Variants in PCBP3 observed in about 807,000 individuals in gnomAD.
PCBP3 encodes poly(rC)-binding protein 3.
PCBP3 carries 25 observed loss-of-function variants against 52.7 expected under a neutral mutation model. The ratio of observed to expected loss-of-function variants is 0.47; its 90% CI spans 0.35 to 0.66. The LOEUF is 0.66. PCBP3 is among the 30% of genes least tolerant of loss of function. The pLI, the probability that PCBP3 is intolerant of heterozygous loss-of-function variation, is 0.01. For missense variants in PCBP3, 391 were observed against 490.3 expected (o/e 0.80, Z 1.91); for synonymous variants, 162 against 183.0 (o/e 0.89, Z 0.93).
chr21:45,894,091 G>A (rs2095757324), intron 5 of PCBP3: 2 of 933,748 alleles, frequency 2.1e-6, no homozygotes, highest in Non-Finnish European at 2.6e-6. Flanking sequence ...CTGCAGCTCT[G>A]GGAGCTGCTG....
At chr21:45,680,990 A>G (rs577199015) in intron 2 of PCBP3, among the ~76,000 whole-genome samples, 2 of 152,292 alleles carry the variant, frequency 1.3e-5, no homozygotes, top group South Asian at 4.1e-4. Context: ...ATTTGGTGAG[A>G]GCCTTCTTGC....
At position 45,820,807 on chromosome 21, in the gene PCBP3, G is replaced by C. The variant is rs539327908; in HGVS notation, c.-125-29154G>C. 3.3e-5 allele frequency among the ~76,000 whole-genome samples: 5 copies of C among 152,266 alleles called. No individual in the cohort carries two copies. In the South Asian group the frequency reaches 1.0e-3, roughly 32 times the overall value. On this transcript the variant is annotated intron_variant, in intron 4 of 17. Transcript: ENST00000681687. ...TTTTCTCCCGGTTTAGAAATATCCT[G>C]GTGGGAGGCGCTTTTTCATCCTTGC... is the stretch of plus-strand genomic sequence containing the variant.
chr21:45,862,674 G>C (rs1157031963), intron 5 of PCBP3, among the ~76,000 whole-genome samples: 2 of 152,202 alleles, frequency 1.3e-5, no homozygotes, highest in African/African-American at 2.4e-5. Context: ...ACCACACACT[G>C]TCTCTGTGCC....
At position 45,918,216 on chromosome 21, in the gene PCBP3, C is replaced by T. The variant is rs139668461; in HGVS notation, c.717+587C>T. ...CGTCCTTGGCTCCGCCCGGGCCATG[C>T]GGAGCTGGGTCCCATGCAGCTCCAT... On this transcript the variant is annotated intron_variant, in intron 13 of 17. Transcript: ENST00000681687. 850 of 163,054 alleles carry T rather than the reference C, an allele frequency of 5.2e-3. 8 individuals are homozygous for T. Among genetic ancestry groups the T allele is most frequent in the Admixed American group, 7.9e-3 (130 of 16,558 alleles). 10.1% of individuals were successfully genotyped at this position (163,054 alleles called of 1,614,324 possible).
At chr21:45,847,776 T>A (rs1472539420) in intron 4 of PCBP3, among the ~76,000 whole-genome samples, 1 of 152,218 alleles carries the variant, frequency 6.6e-6, no homozygotes, top group Non-Finnish European at 1.5e-5. Context: ...TAATCATTAC[T>A]GGGGAGTGCC....
At chr21:45,825,156 G>T (rs564736497) in intron 4 of PCBP3, among the ~76,000 whole-genome samples, 1 of 152,294 alleles carries the variant, frequency 6.6e-6, no homozygotes, top group East Asian at 1.9e-4. Flanking sequence ...CCAAGCCCTT[G>T]CTCTGAGGTT....
chr21:45,781,337 C>T (rs2090623039), intron 4 of PCBP3, among the ~76,000 whole-genome samples: 1 of 152,102 alleles, frequency 6.6e-6, no homozygotes, highest in African/African-American at 2.4e-5. Flanking sequence ...AAATAAAGAA[C>T]AAACAAAAAT....
At chr21:45,828,951 G>T (rs938920536) in intron 4 of PCBP3, 1 of 152,424 alleles carries the variant, frequency 6.6e-6, no homozygotes. Flanking sequence ...TGGAAGCCTT[G>T]TGCCAGCGGT....
chr21:45,809,937 A>G (rs2092632350), intron 4 of PCBP3, among the ~76,000 whole-genome samples: 1 of 152,226 alleles, frequency 6.6e-6, no homozygotes, highest in Non-Finnish European at 1.5e-5. Context: ...GGGGTTTTGC[A>G]GATGGTATCA....
chr21:45,753,421 T>C (rs2087732851), intron 3 of PCBP3, among the ~76,000 whole-genome samples: 2 of 152,060 alleles, frequency 1.3e-5, no homozygotes, highest in South Asian at 4.1e-4. Context: ...CTTTCCCCTT[T>C]TTCAGTATCT....
chr21:45,891,342 A>G (rs891758164), intron 5 of PCBP3, among the ~76,000 whole-genome samples: 1 of 152,234 alleles, frequency 6.6e-6, no homozygotes, highest in Non-Finnish European at 1.5e-5. Context: ...CCTTGCATAC[A>G]GCTCGAATGT....
Position 45,724,709 on chromosome 21 carries a change from C to T in PCBP3, c.-199-10683C>T, listed in dbSNP as rs1044952257. On this transcript the variant is annotated intron_variant, in intron 2 of 17. Coordinates refer to ENST00000681687, the MANE Select transcript of PCBP3 (RefSeq NM_001384156.1). This position sits in a 1 kb window ranked among gnomAD's most constrained non-coding sequence, Gnocchi z 5.3. ...CCTCGGTGGGATCTGAAAGAGAACCCGCCCCCCTCAGCTGGAGTGGCACTC... is the reference window on the plus strand; with the variant it reads ...CCTCGGTGGGATCTGAAAGAGAACCTGCCCCCCTCAGCTGGAGTGGCACTC... 9.9e-5 allele frequency among the ~76,000 whole-genome samples: 15 copies of T among 151,536 alleles called. No homozygotes were observed. Among genetic ancestry groups the T allele is most frequent in the African/African-American group, 3.6e-4 (15 of 41,210 alleles).
At chr21:45,783,011 A>G (rs2090761508) in intron 4 of PCBP3, among the ~76,000 whole-genome samples, 1 of 152,234 alleles carries the variant, frequency 6.6e-6, no homozygotes, top group Non-Finnish European at 1.5e-5. Context: ...GACTGATCTC[A>G]TATAATGACC....
At chr21:45,862,841 G>A (rs1181658147) in intron 5 of PCBP3, among the ~76,000 whole-genome samples, 2 of 152,146 alleles carry the variant, frequency 1.3e-5, no homozygotes, top group African/African-American at 4.8e-5. Context: ...TCCCATTACC[G>A]CCCCTGAGTC....
intron 3 of PCBP3, among the ~76,000 whole-genome samples, chr21:45,739,622 C>A (rs1301892353): frequency 1.1e-5 from 1 of 92,890 alleles, no homozygotes; most frequent in African/African-American, 4.8e-5. Flanking sequence ...CCCTTCCTGT[C>A]CATTGTCCTC....
At position 45,754,565 on chromosome 21, in the gene PCBP3, C is replaced by A. The variant is rs147474121; in HGVS notation, c.-161-852C>A. On this transcript the variant is annotated intron_variant, in intron 3 of 17. Transcript: ENST00000681687. ...AGCTAGAAAACAGCTAGAAAATATTCGTGAGTTTTAAATTTAGCATGACAC... is the reference window on the plus strand; with the variant it reads ...AGCTAGAAAACAGCTAGAAAATATTAGTGAGTTTTAAATTTAGCATGACAC... Among the ~76,000 whole-genome samples the A allele has an allele frequency of 5.3e-5, 8 of 152,236 alleles. No individual in the cohort carries two copies. The East Asian group carries it at 7.7e-4, about 15-fold the overall frequency.
At chr21:45,766,659 G>T (rs1053871166) in intron 4 of PCBP3, among the ~76,000 whole-genome samples, 3 of 152,154 alleles carry the variant, frequency 2.0e-5, no homozygotes, top group Non-Finnish European at 4.4e-5. Flanking sequence ...GTTGGCCTGT[G>T]TGAGCACAGG....
At chr21:45,936,971 C>T (rs1295454409) in intron 16 of PCBP3, among the ~76,000 whole-genome samples, 1 of 152,204 alleles carries the variant, frequency 6.6e-6, no homozygotes, top group Non-Finnish European at 1.5e-5. Flanking sequence ...CATGCTTCTT[C>T]ATGGAAAAGG....
chr21:45,644,317 C>T (rs12483018), intron 1 of PCBP3, among the ~76,000 whole-genome samples: 27,181 of 151,718 alleles, frequency 0.18, 2,580 homozygotes, highest in Middle Eastern at 0.31. Flanking sequence ...CCTCCTCCCC[C>T]TGGACGGCCG....
Sources: allele counts gnomAD v4.1 joint callset (sites outside exome capture counted in the v4.1 genomes callset), GRCh38; gene constraint gnomAD v4.1.1; non-coding constraint Gnocchi (gnomAD v3.1); transcripts MANE v1.5; gene names NCBI Gene and HGNC (gene_info 2026-07-23, HGNC 2026-07-21).